Variants in LRP1B observed in about 807,000 individuals in gnomAD.
The protein encoded by LRP1B is low-density lipoprotein receptor-related protein 1B.
In LRP1B, 217 loss-of-function variants were observed where a neutral mutation model predicts 556.6. The observed-to-expected ratio is 0.39, with a 90% CI of 0.35 to 0.44. The LOEUF (loss-of-function observed/expected upper bound fraction) is 0.44. LRP1B is among the 20% of genes least tolerant of loss of function. The pLI is 1.00. For synonymous variants in LRP1B, 2,047 were observed against 1,865.8 expected, an observed-to-expected ratio of 1.10 and a Z score of -2.50; for missense variants, 5,053 against 5,620.8, an observed-to-expected ratio of 0.90 and a Z score of 3.23.
At chr2:140,310,095 A>T (rs1348633704) in intron 83 of LRP1B, among the ~76,000 whole-genome samples, 1 of 151,748 alleles carries the variant, frequency 6.6e-6, no homozygotes, top group Non-Finnish European at 1.5e-5. Context: ...TGCTGGTTTC[A>T]TCCATGTCTG....
At chr2:140,954,807 A>T (rs1695824418) in intron 18 of LRP1B, among the ~76,000 whole-genome samples, 1 of 152,030 alleles carries the variant, frequency 6.6e-6, no homozygotes, top group Non-Finnish European at 1.5e-5. Context: ...TTAATTTTTT[A>T]ATGATAGTTA....
At chr2:141,341,873 A>G (rs2714223) in intron 3 of LRP1B, among the ~76,000 whole-genome samples, 89,788 of 151,926 alleles carry the variant, frequency 0.59, 27,431 homozygotes, top group African/African-American at 0.68. Context: ...TGTAAAACCA[A>G]TATTTGGAGG....
intron 41 of LRP1B, among the ~76,000 whole-genome samples, chr2:140,621,225 C>CAAA (rs560890709): frequency 7.1e-6 from 1 of 141,660 alleles, no homozygotes; most frequent in Non-Finnish European, 1.5e-5. Flanking sequence ...ACTAAAAATA[C>CAAA]AAAAAAAAAA....
At chr2:141,729,063 C>A (rs1032986355) in intron 2 of LRP1B, among the ~76,000 whole-genome samples, 17 of 152,110 alleles carry the variant, frequency 1.1e-4, no homozygotes, top group African/African-American at 4.1e-4. Flanking sequence ...CTTATTACAG[C>A]AGCTGAGCCT....
chr2:141,670,174 TTG>T (rs1373031802), intron 2 of LRP1B, among the ~76,000 whole-genome samples: 3 of 152,192 alleles, frequency 2.0e-5, no homozygotes, highest in African/African-American at 4.8e-5. Context: ...GATTTAGGCT[TTG>T]TGTTTTTTAT....
chr2:140,664,458 A>G (rs2105346118), intron 41 of LRP1B, among the ~76,000 whole-genome samples: 1 of 152,290 alleles, frequency 6.6e-6, no homozygotes, highest in Non-Finnish European at 1.5e-5. Context: ...ACCCTCCAAA[A>G]AAGATAAAGA....
At chr2:141,479,846 A>G (rs1225239022) in intron 3 of LRP1B, among the ~76,000 whole-genome samples, 1 of 152,224 alleles carries the variant, frequency 6.6e-6, no homozygotes, top group Non-Finnish European at 1.5e-5. Context: ...TATCATTAAT[A>G]TCTAGGTAAT....
At chr2:141,745,422 C>G (rs1018679131) in intron 2 of LRP1B, among the ~76,000 whole-genome samples, 7 of 152,140 alleles carry the variant, frequency 4.6e-5, no homozygotes, top group Admixed American at 2.6e-4. Context: ...CTTCCCTCCC[C>G]CTTCCACTGG....
In LRP1B at chr2:140,516,904, C is replaced by G. The variant is rs754061391; in HGVS notation, c.8134G>C (p.Asp2712His). The G allele has an allele frequency of 1.2e-6, 2 of 1,613,386 alleles. No homozygotes were observed. Among genetic ancestry groups the G allele is most frequent in the Admixed American group, 1.7e-5 (1 of 59,952 alleles). ...AATGTCTCACCACAGTGGAATTCAT[C>G]ACGTCCATCCTCACAATCTTTCTGA... is the stretch of plus-strand genomic sequence containing the variant. ...DGQKDCEDGR[D>H]EFHCDSSCSW... The change falls in exon 50 of 91, where the codon GAT becomes CAT. Residue 2712 changes from aspartate (D) to histidine (H), a missense_variant. Around this residue, in one of 5 missense-constraint regions of LRP1B, gnomAD observed 3,619 missense variants for 3,931.9 expected, o/e 0.92. Transcript: ENST00000389484.
chr2:140,926,836 T>C (rs1694900590), intron 20 of LRP1B, among the ~76,000 whole-genome samples: 1 of 152,136 alleles, frequency 6.6e-6, no homozygotes, highest in Non-Finnish European at 1.5e-5. Context: ...AAGGTGGTCT[T>C]CAAGAGGAAT....
chr2:140,454,092 A>T (rs11902952), intron 62 of LRP1B, among the ~76,000 whole-genome samples: 12,109 of 152,202 alleles, frequency 0.08, 607 homozygotes, highest in African/African-American at 0.14. Context: ...AGTTACAGGG[A>T]TAACCACTAA....
chr2:140,964,959 G>T (rs1486050058), intron 18 of LRP1B, among the ~76,000 whole-genome samples: 1 of 151,992 alleles, frequency 6.6e-6, no homozygotes, highest in Non-Finnish European at 1.5e-5. Context: ...AACTCGGGAG[G>T]GAAGGCAAAG....
rs2104882053 is a variant in LRP1B at position 140,238,305 on chromosome 2, T to A, written c.13416-9A>T. 1 of 1,421,832 alleles carries A rather than the reference T, an allele frequency of 7.0e-7. No homozygotes were observed. Among genetic ancestry groups the A allele is most frequent in the Non-Finnish European group, 9.8e-7 (1 of 1,015,862 alleles). The allele number at this position is 1,421,832 out of a possible 1,614,324, so 88.1% of individuals were successfully genotyped here. A position where few individuals can be genotyped will look rare whatever the true frequency, so the allele number is the denominator to read the frequency against. The stretch of plus-strand genomic sequence containing the variant: ...TTCTAATTGTTTTTGTCCTAGAATA[T>A]ATAAACATTAATATGTGTGAGTTTT... On this transcript the variant is annotated splice_polypyrimidine_tract_variant and intron_variant, in intron 88 of 90. Transcript: ENST00000389484.
chr2:141,108,344 T>TTC (rs1553461014), intron 7 of LRP1B, among the ~76,000 whole-genome samples: 11 of 113,726 alleles, frequency 9.7e-5, no homozygotes, highest in African/African-American at 3.8e-4. Context: ...CTTTTTTTTT[T>TTC]TTTTTTTTTT....
intron 27 of LRP1B, among the ~76,000 whole-genome samples, chr2:140,863,827 C>A (rs917945447): frequency 2.0e-5 from 3 of 152,000 alleles, no homozygotes; most frequent in Non-Finnish European, 2.9e-5. Flanking sequence ...TTGTATCTAT[C>A]CTAATTGTTA....
chr2:141,011,075 G>C (rs968115664), intron 14 of LRP1B, among the ~76,000 whole-genome samples: 9 of 147,958 alleles, frequency 6.1e-5, no homozygotes, highest in Non-Finnish European at 1.2e-4. Context: ...TTCTCTCAGA[G>C]AGAGAGAGAG....
At chr2:141,965,927 G>A (rs796157806) in intron 1 of LRP1B, among the ~76,000 whole-genome samples, 5 of 150,932 alleles carry the variant, frequency 3.3e-5, no homozygotes, top group African/African-American at 1.2e-4. Flanking sequence ...ATATTAAGTT[G>A]CTAAAACCAT....
intron 84 of LRP1B, among the ~76,000 whole-genome samples, chr2:140,291,320 T>TATATATATATATATATATATA (rs745524571): frequency 0.031 from 1,580 of 50,978 alleles, 258 homozygotes; most frequent in Middle Eastern, 0.056. Flanking sequence ...ATATATATAT[T>TATATATATATATATATATATA]TTTATTATAC....
chr2:142,043,834 C>A (rs913988685), intron 1 of LRP1B, among the ~76,000 whole-genome samples: 8 of 151,598 alleles, frequency 5.3e-5, no homozygotes, highest in Non-Finnish European at 1.0e-4. Context: ...TTTTACCCTT[C>A]AACCATATAG....
Sources: gnomAD v4.1 joint callset for allele counts (sites outside exome capture counted in the v4.1 genomes callset) on GRCh38, gnomAD v4.1.1 for gene constraint, gnomAD v4.1.1 regional missense constraint, MANE v1.5 for transcripts, NCBI Gene and HGNC (gene_info 2026-07-23, HGNC 2026-07-21) for gene names.